Variants in PTPRM observed in about 807,000 individuals in gnomAD.
The protein encoded by PTPRM is receptor-type tyrosine-protein phosphatase mu.
Under a neutral mutation model 186.7 loss-of-function variants are expected in PTPRM, and 47 were observed. The ratio of observed to expected loss-of-function variants is 0.25; its 90% confidence interval spans 0.20 to 0.32. The LOEUF (loss-of-function observed/expected upper bound fraction) is 0.32, where lower values mean the gene tolerates loss of function less well. PTPRM is among the 10% of genes least tolerant of loss of function. The probability of loss-of-function intolerance (pLI) is 1.00; values close to 1 mark genes in which losing one functional copy is unlikely to be tolerated. For missense variants in PTPRM, 1,494 were observed against 1,865.0 expected (o/e 0.80, Z 3.66); for synonymous variants, 668 against 674.9 (o/e 0.99, Z 0.16).
intron 22 of PTPRM, among the ~76,000 whole-genome samples, chr18:8,339,958 G>T (rs2095464594): frequency 6.6e-6 from 1 of 151,904 alleles, no homozygotes; most frequent in Non-Finnish European, 1.5e-5. Flanking sequence ...ACCTTATTTG[G>T]GCACCTTCCC....
chr18:8,144,496 C>A (rs1329500901), intron 14 of PTPRM, among the ~76,000 whole-genome samples: 1 of 152,150 alleles, frequency 6.6e-6, no homozygotes, highest in African/African-American at 2.4e-5. Context: ...GTGGCACACA[C>A]CTGTAGTCTC....
At chr18:7,731,967 G>A (rs1228774027) in intron 1 of PTPRM, among the ~76,000 whole-genome samples, 2 of 152,144 alleles carry the variant, frequency 1.3e-5, no homozygotes, top group African/African-American at 4.8e-5. Context: ...AAAAAATTAA[G>A]TTTTCTTTTT....
At chr18:7,825,732 CCT>C (rs2045452393) in intron 2 of PTPRM, among the ~76,000 whole-genome samples, 1 of 152,118 alleles carries the variant, frequency 6.6e-6, no homozygotes, top group African/African-American at 2.4e-5. Context: ...CAAGCGTTTG[CCT>C]CTGTTTTTAC....
At chr18:7,721,596 T>C (rs1381653245) in intron 1 of PTPRM, among the ~76,000 whole-genome samples, 1 of 152,186 alleles carries the variant, frequency 6.6e-6, no homozygotes, top group East Asian at 1.9e-4. Flanking sequence ...ATTTGGGTCT[T>C]TGATACATTT....
chr18:7,758,032 A>G (rs902037698), intron 1 of PTPRM, among the ~76,000 whole-genome samples: 20 of 152,164 alleles, frequency 1.3e-4, no homozygotes, highest in African/African-American at 4.6e-4. Context: ...CACATCCTAA[A>G]ATTCAGAGCC....
chr18:7,639,901 A>G lies in PTPRM; in HGVS notation c.73+72010A>G, dbSNP rs185613533. Among the ~76,000 whole-genome samples the G allele has an allele frequency of 2.7e-3, 411 of 152,344 alleles. 2 individuals carry two copies. Among genetic ancestry groups the G allele is most frequent in the Non-Finnish European group, 4.1e-3 (279 of 68,028 alleles). ...AAATTTACCCAAAGAGTATTGCCACATCTTAACAAGTAGATTACTAAAGAA... is the reference window on the plus strand; with the variant it reads ...AAATTTACCCAAAGAGTATTGCCACGTCTTAACAAGTAGATTACTAAAGAA... On this transcript the variant is annotated intron_variant, in intron 1 of 32. Transcript: ENST00000580170.
At chr18:7,995,638 C>T (rs1222556127) in intron 7 of PTPRM, 2 of 152,136 alleles carry the variant, frequency 1.3e-5, no homozygotes, top group Non-Finnish European at 2.9e-5. Flanking sequence ...GGGTAGAGCA[C>T]TGGAAACCAT....
chr18:7,737,619 T>G (rs1377191196), intron 1 of PTPRM, among the ~76,000 whole-genome samples: 15 of 152,228 alleles, frequency 9.9e-5, no homozygotes, highest in Non-Finnish European at 5.9e-5. Context: ...AAGTAGCCAC[T>G]GCCTAGTGCT....
intron 2 of PTPRM, among the ~76,000 whole-genome samples, chr18:7,813,644 C>G (rs542913319): frequency 6.6e-6 from 1 of 152,050 alleles, no homozygotes; most frequent in South Asian, 2.1e-4. Context: ...TTAGTTTTGT[C>G]TGTTAATTTC....
At chr18:8,022,579 C>T (rs1397529003) in intron 7 of PTPRM, among the ~76,000 whole-genome samples, 1 of 152,136 alleles carries the variant, frequency 6.6e-6, no homozygotes, top group African/African-American at 2.4e-5. Context: ...CATAACAGGT[C>T]TCCACCCACC....
chr18:8,402,679 C>A (rs1002822791), intron 32 of PTPRM, among the ~76,000 whole-genome samples: 1 of 152,160 alleles, frequency 6.6e-6, no homozygotes, highest in Non-Finnish European at 1.5e-5. Context: ...GCCAAGATGT[C>A]GGCCTGGTGA....
intron 12 of PTPRM, among the ~76,000 whole-genome samples, chr18:8,114,438 G>A (rs1046881129): frequency 2.0e-5 from 3 of 152,112 alleles, no homozygotes; most frequent in African/African-American, 7.2e-5. Context: ...GGTGTAAAGG[G>A]GGGAAATCTG....
chr18:7,789,163 T>C (rs2043221668), intron 2 of PTPRM, among the ~76,000 whole-genome samples: 1 of 151,830 alleles, frequency 6.6e-6, no homozygotes, highest in South Asian at 2.1e-4. Flanking sequence ...TCTACAAAAA[T>C]AAAAATACAA....
chr18:7,936,857 C>T (rs1466236720), intron 5 of PTPRM, among the ~76,000 whole-genome samples: 2 of 152,158 alleles, frequency 1.3e-5, no homozygotes, highest in South Asian at 2.1e-4. Context: ...GCACTCAGGC[C>T]GACCTGCCTG....
chr18:7,895,190 G>T (rs780587280), intron 3 of PTPRM, among the ~76,000 whole-genome samples: 1 of 152,082 alleles, frequency 6.6e-6, no homozygotes. Context: ...ACAGCGGGGT[G>T]GGGGGTAGTG....
At chr18:7,761,918 G>C (rs1288597909) in intron 1 of PTPRM, among the ~76,000 whole-genome samples, 1 of 152,180 alleles carries the variant, frequency 6.6e-6, no homozygotes, top group African/African-American at 2.4e-5. Context: ...AGTGAATGGA[G>C]TCCATTAGAT....
intron 11 of PTPRM, among the ~76,000 whole-genome samples, chr18:8,092,270 A>C (rs1274903867): frequency 6.6e-6 from 1 of 152,176 alleles, no homozygotes; most frequent in Non-Finnish European, 1.5e-5. Context: ...AATTATTTAA[A>C]TCCTGAGATG....
chr18:7,849,961 A>C (rs904101393), intron 2 of PTPRM, among the ~76,000 whole-genome samples: 1 of 152,198 alleles, frequency 6.6e-6, no homozygotes, highest in African/African-American at 2.4e-5. Context: ...AACTTTCCTA[A>C]ACACATTCAT....
Position 8,314,819 on chromosome 18 carries a change from G to C in PTPRM, c.2881G>C (p.Asp961His). 22 of 1,611,602 alleles carry C rather than the reference G, an allele frequency of 1.4e-5. No homozygotes were observed. Among genetic ancestry groups the C allele is most frequent in the Non-Finnish European group, 1.9e-5 (22 of 1,178,148 alleles). Residue 961 changes from aspartate (D) to histidine (H), a missense_variant, in exon 21 of 33, where the codon GAC (aspartate) becomes CAC (histidine). Asp to His is a moderately conservative substitution (Grantham distance 81, BLOSUM62 -1). Transcript: ENST00000580170. ...SRVRLQTIEG[D>H]TNSDYINGNY... The stretch of plus-strand genomic sequence containing the variant: ...AGTGAGGCTGCAGACAATAGAAGGA[G>C]ACACAAACTCAGACTATATCAATGG...
Sources: gnomAD v4.1 joint callset for allele counts (sites outside exome capture counted in the v4.1 genomes callset) on GRCh38, gnomAD v4.1.1 for gene constraint, MANE v1.5 for transcripts, NCBI Gene and HGNC (gene_info 2026-07-23, HGNC 2026-07-21) for gene names.